The following IFT140 variants were observed in gnomAD, a reference collection of about 807,000 sequenced individuals.
The protein encoded by IFT140 is intraflagellar transport protein 140 homolog.
IFT140 carries 133 observed loss-of-function variants against 164.6 expected under a neutral mutation model. The ratio of observed to expected loss-of-function variants is 0.81; its 90% CI spans 0.70 to 0.93. The LOEUF (loss-of-function observed/expected upper bound fraction) is 0.93. Among genes scored for constraint, IFT140 ranks in the 40% least tolerant of loss-of-function variants. The probability of loss-of-function intolerance (pLI) is 0.00; values close to 1 mark genes in which losing one functional copy is unlikely to be tolerated. For synonymous variants in IFT140, 860 were observed against 817.3 expected (o/e 1.05, Z -0.89); for missense variants, 2,045 against 1,972.3 (o/e 1.04, Z -0.70).
chr16:1,605,506 T>C (rs978463838), intron 3 of IFT140, among the ~76,000 whole-genome samples: 1 of 152,036 alleles, frequency 6.6e-6, no homozygotes, highest in African/African-American at 2.4e-5. Flanking sequence ...CCTGGGTTCA[T>C]GCCATTCTCC....
chr16:1,513,713 G>C (rs372101094), intron 30 of IFT140, among the ~76,000 whole-genome samples: 1 of 148,450 alleles, frequency 6.7e-6, no homozygotes, highest in Non-Finnish European at 1.5e-5. Context: ...TTGCTGTGTC[G>C]CCCAGGCTGG....
In IFT140 at chr16:1,568,341, G is replaced by C. The variant is rs752410928; in HGVS notation, c.1653-7C>G. Reference sequence around the variant, plus strand: ...ACAGTGTGCTTTGGCCTCTCTGCAGGGAGGAAGAGGGACCTCAGTGCCCGC... The same window carrying C: ...ACAGTGTGCTTTGGCCTCTCTGCAGCGAGGAAGAGGGACCTCAGTGCCCGC... On this transcript the variant is annotated splice_polypyrimidine_tract_variant and splice_region_variant and intron_variant, in intron 14 of 30. Coordinates refer to ENST00000426508, the MANE Select transcript of IFT140 (RefSeq NM_014714.4). 6 of 1,607,914 alleles carry C rather than the reference G, an allele frequency of 3.7e-6. No homozygotes were observed. In the Admixed American group the frequency reaches 1.0e-4, roughly 27 times the overall value.
At chr16:1,523,739 TG>T in intron 25 of IFT140, 39 bp from the exon 26 acceptor site, 1 of 1,606,604 alleles carries the variant, frequency 6.2e-7, no homozygotes. Context: ...GCCCGAGGCC[TG>T]GGGGCCCGAG....
rs886051707 is a variant in IFT140, at chr16:1,510,786, C to G, written c.*158G>C. The G allele has an allele frequency of 1.4e-6, 1 of 706,994 alleles. No individual in the cohort carries two copies. Among genetic ancestry groups the G allele is most frequent in the Non-Finnish European group, 2.4e-6 (1 of 411,068 alleles). 43.8% of individuals were successfully genotyped at this position (706,994 alleles called of 1,614,324 possible). A position where few individuals can be genotyped will look rare whatever the true frequency, so the allele number is the denominator to read the frequency against. ...GCAAGGTGCAGACGGGTCACACCCT[C>G]CGCCGGCCCGGGCCGCTGCGTTCTC... On this transcript the variant is annotated 3_prime_UTR_variant, in exon 31 of 31. Transcript: ENST00000426508.
intron 3 of IFT140, 75 bp from the exon 4 acceptor site, chr16:1,602,666 G>A (rs2035858110): frequency 7.2e-7 from 1 of 1,396,600 alleles, no homozygotes. Context: ...TCTAGGCCGG[G>A]CACGGCGGCT....
chr16:1,546,724 G>T lies in IFT140; in HGVS notation c.2399+11211C>A, dbSNP rs541878561. On this transcript the variant is annotated intron_variant, in intron 19 of 30. Coordinates refer to ENST00000426508, the MANE Select transcript of IFT140 (RefSeq NM_014714.4). ...CAGGGCCCTCCCGCCCGCAGCTCTG[G>T]CTTTCACACAGGGCCCGGGCCTCAG... Among the ~76,000 whole-genome samples the T allele has an allele frequency of 5.3e-5, 8 of 152,332 alleles. No homozygotes were observed. The East Asian group carries it at 1.5e-3, about 29-fold the overall frequency.
chr16:1,534,871 C>T (rs1165766904), intron 19 of IFT140, among the ~76,000 whole-genome samples: 1 of 152,170 alleles, frequency 6.6e-6, no homozygotes, highest in African/African-American at 2.4e-5. Flanking sequence ...GAGATGGGTA[C>T]ATTAATCAAA....
At position 1,592,382 on chromosome 16, in the gene IFT140, G is replaced by A. The variant is rs2035225170; in HGVS notation, c.492-64C>T. ...ACTCCTACAGCACCTCAGGGCTGGG[G>A]CCCCTCCTGGGTCAGGAGCAGCCCG... On this transcript the variant is annotated intron_variant, in intron 5 of 30. Coordinates refer to ENST00000426508, the MANE Select transcript of IFT140 (RefSeq NM_014714.4). 3.5e-5 allele frequency: 57 copies of A among 1,611,444 alleles called. No homozygotes were observed. The South Asian group carries it at 6.2e-4, about 17-fold the overall frequency.
intron 11 of IFT140, among the ~76,000 whole-genome samples, chr16:1,583,626 G>A (rs1190836417): frequency 6.7e-6 from 1 of 150,304 alleles, no homozygotes; most frequent in African/African-American, 2.4e-5. Flanking sequence ...TTTTTTTTAG[G>A]TTTGGGGAAT....
In IFT140 at chr16:1,564,682, G is replaced by C. The variant is rs181400047; in HGVS notation, c.1902-520C>G. On this transcript the variant is annotated intron_variant, in intron 16 of 30. Coordinates refer to ENST00000426508, the MANE Select transcript of IFT140 (RefSeq NM_014714.4). The surrounding 1 kb of genome is among the most constrained non-coding windows in gnomAD (Gnocchi z 5.5). Reference sequence around the variant, plus strand: ...CTGTGGGGAAACACAATGATGTGCCGGCAGACGACACACAAGGTTTCAAGA... The same window carrying C: ...CTGTGGGGAAACACAATGATGTGCCCGCAGACGACACACAAGGTTTCAAGA... Among the ~76,000 whole-genome samples the C allele has an allele frequency of 6.6e-6, 1 of 152,176 alleles. No homozygotes were observed. The highest frequency in any genetic ancestry group is 1.5e-5 in the Non-Finnish European group (1 of 68,040).
intron 10 of IFT140, 96 bp downstream of exon 10, chr16:1,586,034 G>A (rs535417999): frequency 4.8e-6 from 7 of 1,464,916 alleles, no homozygotes; most frequent in African/African-American, 4.2e-5. Flanking sequence ...GCCTCCCAAA[G>A]TGCTGGGATT....
intron 19 of IFT140, among the ~76,000 whole-genome samples, chr16:1,543,259 G>A (rs2031824214): frequency 6.6e-6 from 1 of 152,266 alleles, no homozygotes; most frequent in Non-Finnish European, 1.5e-5. Flanking sequence ...CAGAGGAAGT[G>A]GCAGGAAGTC....
intron 19 of IFT140, among the ~76,000 whole-genome samples, chr16:1,557,061 C>G (rs913598547): frequency 9.2e-5 from 14 of 152,172 alleles, no homozygotes; most frequent in African/African-American, 2.9e-4. Context: ...CTCAGGTGAT[C>G]CACCCACCTC....
chr16:1,579,942 C>T (rs554004623), intron 13 of IFT140, among the ~76,000 whole-genome samples: 170 of 143,204 alleles, frequency 1.2e-3, no homozygotes, highest in Non-Finnish European at 2.0e-3. Context: ...CCAGCCTGGG[C>T]GACAAAGCAA....
At chr16:1,583,721 A>G (rs1025039536) in intron 11 of IFT140, among the ~76,000 whole-genome samples, 4 of 151,032 alleles carry the variant, frequency 2.6e-5, no homozygotes, top group African/African-American at 9.7e-5. Flanking sequence ...ATAAGGGTAC[A>G]TGGCAGGTGT....
chr16:1,611,506 GAAA>G (rs1449040045), intron 1 of IFT140, among the ~76,000 whole-genome samples: 2 of 119,472 alleles, frequency 1.7e-5, no homozygotes, highest in African/African-American at 6.5e-5. Context: ...AAAAAAAAAA[GAAA>G]AGAAAAAGAA....
intron 30 of IFT140, among the ~76,000 whole-genome samples, chr16:1,516,192 T>G (rs1378302197): frequency 2.4e-5 from 3 of 122,496 alleles, no homozygotes; most frequent in Non-Finnish European, 5.3e-5. Flanking sequence ...CAGAAATGGA[T>G]GGTAAATATG....
rs777713841 is a variant in IFT140, at chr16:1,571,532, C to T, written c.1527G>A (p.Gly509=). 17 of 1,609,440 alleles carry T rather than the reference C, an allele frequency of 1.1e-5. No homozygotes were observed. Among genetic ancestry groups the T allele is most frequent in the South Asian group, 2.2e-5 (2 of 89,750 alleles). ...AGAAAAGGAGGAGTTGTTTGACAGT[C>T]CCCTGAGGAAAAGGAACAAGAAATG... ...SNRVQVRTWQ[G]TVKQLLLFSE... is the part of the protein sequence containing the mutation. The change falls in exon 14 of 31, where the codon GGG becomes GGA. Residue 509 remains glycine, a splice_region_variant and synonymous_variant. Coordinates refer to ENST00000426508, the MANE Select transcript of IFT140 (RefSeq NM_014714.4).
chr16:1,547,106 T>G (rs1567354740), intron 19 of IFT140, among the ~76,000 whole-genome samples: 1 of 152,238 alleles, frequency 6.6e-6, no homozygotes, highest in African/African-American at 2.4e-5. Context: ...CTCGCCTGCT[T>G]CTTCCTTGAA....
Sources: gnomAD v4.1 joint callset for allele counts (sites outside exome capture counted in the v4.1 genomes callset) on GRCh38, gnomAD v4.1.1 for gene constraint, Gnocchi (gnomAD v3.1) non-coding constraint, MANE v1.5 for transcripts, NCBI Gene and HGNC (gene_info 2026-07-23, HGNC 2026-07-21) for gene names.